The following YARS2 variants were observed in gnomAD, a reference collection of about 807,000 sequenced individuals.
The protein encoded by YARS2 is tyrosyl-tRNA synthetase 2.
YARS2 carries 38 observed loss-of-function variants against 45.0 expected under a neutral mutation model. That is an observed-to-expected ratio of 0.84 (90% CI 0.65 to 1.11). The LOEUF (loss-of-function observed/expected upper bound fraction) is 1.11, where lower values mean the gene tolerates loss of function less well. Ranked by LOEUF, YARS2 falls within the 50% of genes least tolerant of loss-of-function variation. YARS2 has a pLI of 0.00. For synonymous variants in YARS2, 287 were observed against 245.1 expected (o/e 1.17, Z -1.60); for missense variants, 602 against 599.8 (o/e 1.00, Z -0.04).
chr12:32,747,398 C>G, intron 4 of YARS2, 35 bp from the exon 5 acceptor site: 1 of 1,606,860 alleles, frequency 6.2e-7, no homozygotes, highest in Non-Finnish European at 8.5e-7. Context: ...GTAGAGAGAT[C>G]CAATCACTGT....
At chr12:32,747,389 T>TA (rs770451522) in intron 4 of YARS2, 26 bp from the exon 5 acceptor site, 3 of 1,611,166 alleles carry the variant, frequency 1.9e-6, no homozygotes, top group South Asian at 2.2e-5. Flanking sequence ...GTTTAGTAAG[T>TA]AGAGAGATCC....
At chr12:32,754,139 T>A in intron 1 of YARS2, 54 bp from the exon 2 acceptor site, 1 of 1,604,898 alleles carries the variant, frequency 6.2e-7, no homozygotes, top group Non-Finnish European at 8.5e-7. Flanking sequence ...GGTGGTAGGT[T>A]CTACTGTTCA....
At chr12:32,748,206 C>T (rs140593121) in intron 4 of YARS2, among the ~76,000 whole-genome samples, 19 of 152,170 alleles carry the variant, frequency 1.2e-4, no homozygotes, top group Middle Eastern at 3.4e-3. Flanking sequence ...AGTCTCACTA[C>T]GTCCTTGCCC....
In YARS2 at chr12:32,755,838, G is replaced by C; in HGVS notation, c.37C>G (p.Arg13Gly). ...APILRSFSWG[R>G]WSGTLNLSVL... ...GAGAGATTTAGGGTACCAGACCACC[G>C]GCCCCAGGAAAAGGACCGCAAGATG... is the stretch of plus-strand genomic sequence containing the variant. The change falls in exon 1 of 5, where the codon CGG (arginine) becomes GGG (glycine). Residue 13 changes from arginine (R) to glycine (G), a missense_variant. Transcript: ENST00000324868. 7.4e-6 allele frequency: 12 copies of C among 1,613,316 alleles called. No individual in the cohort carries two copies. Among genetic ancestry groups the C allele is most frequent in the Non-Finnish European group, 1.0e-5 (12 of 1,180,028 alleles).
Position 32,753,027 on chromosome 12 carries a change from T to G in YARS2, c.947+891A>C, listed in dbSNP as rs549861760. Among the ~76,000 whole-genome samples, 13 of 152,042 alleles carry G rather than the reference T, an allele frequency of 8.6e-5. No homozygotes were observed. The East Asian group carries it at 2.5e-3, about 30-fold the overall frequency. On this transcript the variant is annotated intron_variant, in intron 2 of 4. Coordinates refer to ENST00000324868, the MANE Select transcript of YARS2 (RefSeq NM_001040436.3). ...AAATGTAGATCAAATCCAGAACTGGTATCTTGGCCGGGTGCGGGGGCTCAT... is the reference window on the plus strand; with the variant it reads ...AAATGTAGATCAAATCCAGAACTGGGATCTTGGCCGGGTGCGGGGGCTCAT...
chr12:32,755,555 T>A lies in YARS2; in HGVS notation c.320A>T (p.Asn107Ile). The change falls in exon 1 of 5, where the codon AAC (asparagine) becomes ATC (isoleucine). Residue 107 changes from asparagine to isoleucine, a missense_variant. Asn to Ile is a moderately radical substitution (Grantham distance 149, BLOSUM62 -3). Transcript: ENST00000324868. The stretch of plus-strand genomic sequence containing the variant: ...GGCGCCTCCCACCAGCGCGATCACG[T>A]TGTGGCCCGCTCGCTGCAAATGAAA... Reference protein sequence around the residue: ...GLFHLQRAGHNVIALVGGATA... With the variant: ...GLFHLQRAGHIVIALVGGATA... 6.2e-7 allele frequency: 1 copy of A among 1,613,704 alleles called. No individual in the cohort carries two copies. Among genetic ancestry groups the A allele is most frequent in the Non-Finnish European group, 8.5e-7 (1 of 1,179,876 alleles).
At chr12:32,748,080 TAAGA>T (rs1471127213) in intron 4 of YARS2, among the ~76,000 whole-genome samples, 1 of 152,144 alleles carries the variant, frequency 6.6e-6, no homozygotes, top group Non-Finnish European at 1.5e-5. Context: ...TGGAAGTCCT[TAAGA>T]AAGAAAAATG....
In YARS2 at chr12:32,755,829, C is replaced by T; in HGVS notation, c.46G>A (p.Gly16Ser). ...LRSFSWGRWSGTLNLSVLLPL... is the reference protein window; with the variant it reads ...LRSFSWGRWSSTLNLSVLLPL... ...AACAATACTGAGAGATTTAGGGTAC[C>T]AGACCACCGGCCCCAGGAAAAGGAC... Residue 16 changes from glycine to serine, a missense_variant, in exon 1 of 5, where the codon GGT becomes AGT. By Grantham distance (56) the Gly-to-Ser change is moderately conservative. Coordinates refer to ENST00000324868, the MANE Select transcript of YARS2 (RefSeq NM_001040436.3). 6.2e-7 allele frequency: 1 copy of T among 1,613,430 alleles called. No homozygotes were observed. Among genetic ancestry groups the T allele is most frequent in the Non-Finnish European group, 8.5e-7 (1 of 1,180,042 alleles).
At chr12:32,754,643 CTAAT>C (rs576163719) in intron 1 of YARS2, among the ~76,000 whole-genome samples, 2 of 151,644 alleles carry the variant, frequency 1.3e-5, no homozygotes, top group South Asian at 4.2e-4. Flanking sequence ...AGCAGTTTCT[CTAAT>C]TAGAGAGGAC....
Position 32,749,709 on chromosome 12 carries a change from T to G in YARS2, c.1274+228A>C, listed in dbSNP as rs903185337. Among the ~76,000 whole-genome samples, 22 of 152,072 alleles carry G rather than the reference T, an allele frequency of 1.4e-4. 1 individual carries two copies. The highest frequency in any genetic ancestry group is 4.6e-4 in the African/African-American group (19 of 41,386). ...CATTCTCCTGCCTCAGCCTCCCAAGTAGCTGGGACTACAGGCGCCTGCCAC... is the reference window on the plus strand; with the variant it reads ...CATTCTCCTGCCTCAGCCTCCCAAGGAGCTGGGACTACAGGCGCCTGCCAC... On this transcript the variant is annotated intron_variant, in intron 4 of 4. Coordinates refer to ENST00000324868, the MANE Select transcript of YARS2 (RefSeq NM_001040436.3).
rs1302133876 is a variant in YARS2, at chr12:32,754,808, G to C, written c.779+288C>G. 3.4e-5 allele frequency among the ~76,000 whole-genome samples: 5 copies of C among 147,662 alleles called. No individual in the cohort carries two copies. In the Admixed American group the frequency reaches 3.5e-4, roughly 10 times the overall value. ...CGGCTCACTGAAACCTTCGCCTCCC[G>C]GGTTCAAGAGATTCTCCTGCCTCAG... On this transcript the variant is annotated intron_variant, in intron 1 of 4. Transcript: ENST00000324868.
In YARS2 at chr12:32,755,774, C is replaced by G; in HGVS notation, c.101G>C (p.Gly34Ala). The G allele has an allele frequency of 3.1e-6, 5 of 1,613,946 alleles. No homozygotes were observed. Among genetic ancestry groups the G allele is most frequent in the Non-Finnish European group, 4.2e-6 (5 of 1,179,986 alleles). Reference protein sequence around the residue: ...LPLGLRKAHSGAQGLLAAQKA... With the variant: ...LPLGLRKAHSAAQGLLAAQKA... Reference sequence around the variant, plus strand: ...CTGCGCTGCCAGTAACCCCTGAGCGCCCGAGTGGGCCTTACGCAGCCCCAA... The same window carrying G: ...CTGCGCTGCCAGTAACCCCTGAGCGGCCGAGTGGGCCTTACGCAGCCCCAA... The change falls in exon 1 of 5, where the codon GGC becomes GCC. Residue 34 changes from glycine (G) to alanine (A), a missense_variant. By Grantham distance (60) the Gly-to-Ala change is moderately conservative (BLOSUM62 0). Transcript: ENST00000324868.
intron 2 of YARS2, among the ~76,000 whole-genome samples, chr12:32,753,276 C>CA (rs1388304229): frequency 2.0e-5 from 3 of 152,012 alleles, no homozygotes; most frequent in African/African-American, 7.2e-5. Flanking sequence ...GATTCTGTTT[C>CA]AAAAAATACA....
At chr12:32,752,640 G>C (rs1955766536) in intron 2 of YARS2, 1 of 248,510 alleles carries the variant, frequency 4.0e-6, no homozygotes, top group Non-Finnish European at 8.0e-6. Flanking sequence ...TGTAGTCCTA[G>C]CTACTCAGGA....
At position 32,754,070 on chromosome 12, in the gene YARS2, A is replaced by G; in HGVS notation, c.795T>C (p.Asp265=). 2.5e-6 allele frequency: 4 copies of G among 1,614,214 alleles called. No individual in the cohort carries two copies. Among genetic ancestry groups the G allele is most frequent in the Non-Finnish European group, 3.4e-6 (4 of 1,180,046 alleles). ...YEFINKLTGE[D]VFGITVPLIT... is the part of the protein sequence containing the mutation. ...TTAGAGGAACGGTGATTCCAAATAC[A>G]TCTTCTCCAGTCAACCTACGCATAA... The change falls in exon 2 of 5, where the codon GAT becomes GAC. Residue 265 remains aspartate (D), a synonymous_variant. Coordinates refer to ENST00000324868, the MANE Select transcript of YARS2 (RefSeq NM_001040436.3).
rs1250227406 is a variant in YARS2, at chr12:32,755,592, G to A, written c.283C>T (p.Leu95=). The A allele has an allele frequency of 1.2e-6, 2 of 1,613,936 alleles. No homozygotes were observed. The highest frequency in any genetic ancestry group is 1.7e-6 in the Non-Finnish European group (2 of 1,179,896). Residue 95 remains leucine (L), a synonymous_variant, in exon 1 of 5, where the codon CTG becomes TTG. Coordinates refer to ENST00000324868, the MANE Select transcript of YARS2 (RefSeq NM_001040436.3). The part of the protein sequence containing the change: ...DSLHVGHLLA[L]LGLFHLQRAG... ...CGCTGCAAATGAAACAGGCCCAGCA[G>A]CGCAAGTAGATGACCCACATGAAGC...
At chr12:32,749,727 C>A (rs934922572) in intron 4 of YARS2, among the ~76,000 whole-genome samples, 1 of 151,708 alleles carries the variant, frequency 6.6e-6, no homozygotes, top group Non-Finnish European at 1.5e-5. Flanking sequence ...ACTACAGGCG[C>A]CTGCCACCAT....
chr12:32,750,238 G>T (rs1955714612), intron 3 of YARS2, 131 bp from the exon 4 acceptor site: 3 of 1,072,722 alleles, frequency 2.8e-6, no homozygotes, highest in Non-Finnish European at 4.0e-6. Flanking sequence ...GTCTCGCTCT[G>T]TTGCCCCGGC....
chr12:32,751,319 C>CA (rs1234472643), intron 2 of YARS2, among the ~76,000 whole-genome samples: 1 of 152,048 alleles, frequency 6.6e-6, no homozygotes, highest in African/African-American at 2.4e-5. Context: ...CCTCTTGTCT[C>CA]AGCCTCCCAA....
Sources: gnomAD v4.1 joint callset for allele counts (sites outside exome capture counted in the v4.1 genomes callset) on GRCh38, gnomAD v4.1.1 for gene constraint, MANE v1.5 for transcripts, NCBI Gene and HGNC (gene_info 2026-07-23, HGNC 2026-07-21) for gene names.